DCDC2C: variants seen among roughly 807,000 people sequenced by gnomAD.
DCDC2C encodes doublecortin domain-containing protein 2C.
In DCDC2C, 44 loss-of-function variants were observed where a neutral mutation model predicts 45.0. The observed-to-expected ratio is 0.98, with a 90% CI of 0.77 to 1.26. DCDC2C has a LOEUF of 1.26. Ranked by LOEUF, DCDC2C falls within the 50% of genes most tolerant of loss-of-function variation. DCDC2C has a pLI of 0.00. For missense variants in DCDC2C, 447 were observed against 468.9 expected, an observed-to-expected ratio of 0.95 and a Z score of 0.43; for synonymous variants, 187 against 178.8, an observed-to-expected ratio of 1.05 and a Z score of -0.37.
At position 3,807,338 on chromosome 2, in the gene DCDC2C, C is replaced by T. The variant is rs192454602; in HGVS notation, c.1065+22238C>T. Among the ~76,000 whole-genome samples the T allele has an allele frequency of 3.5e-3, 538 of 152,182 alleles. 3 individuals carry two copies. Among genetic ancestry groups the T allele is most frequent in the East Asian group, 0.02 (102 of 5,176 alleles). On this transcript the variant is annotated intron_variant, in intron 10 of 10. Coordinates refer to ENST00000399143, the MANE Select transcript of DCDC2C (RefSeq NM_001287444.2). The stretch of plus-strand genomic sequence containing the variant: ...TTTTGGCAGCTGCAGCAGGGGTGGG[C>T]GAAGTGTGCCCAGGCAGGGGGCTGG...
Position 3,767,776 on chromosome 2 carries a change from C to A in DCDC2C, c.749C>A (p.Pro250His). 1 of 1,550,546 alleles carries A rather than the reference C, an allele frequency of 6.4e-7. No homozygotes were observed. ...KKKVDSKGKEPCKYDGIPPKT... is the reference protein window; with the variant it reads ...KKKVDSKGKEHCKYDGIPPKT... Reference sequence around the variant, plus strand: ...TAGGTGGACTCCAAAGGAAAAGAACCTTGTAAATATGATGGCATACCCCCT... The same window carrying A: ...TAGGTGGACTCCAAAGGAAAAGAACATTGTAAATATGATGGCATACCCCCT... The change falls in exon 7 of 11, where the codon CCT becomes CAT. Residue 250 changes from proline (P) to histidine (H), a missense_variant. By Grantham distance (77) the Pro-to-His change is moderately conservative (BLOSUM62 -2). Transcript: ENST00000399143.
In DCDC2C at chr2:3,818,928, G is replaced by T. The variant is rs1250833024; in HGVS notation, c.1066-28226G>T. Among the ~76,000 whole-genome samples the T allele has an allele frequency of 1.3e-5, 2 of 152,182 alleles. No homozygotes were observed. Among genetic ancestry groups the T allele is most frequent in the African/African-American group, 4.8e-5 (2 of 41,418 alleles). ...GATAACTAAAAAGGAGTGCATAAAA[G>T]AATATTGTTTACGTTGGCACCAGAG... On this transcript the variant is annotated intron_variant, in intron 10 of 10. Coordinates refer to ENST00000399143, the MANE Select transcript of DCDC2C (RefSeq NM_001287444.2). This position sits in a 1 kb window ranked among gnomAD's most constrained non-coding sequence, Gnocchi z 4.7.
intron 2 of DCDC2C, among the ~76,000 whole-genome samples, chr2:3,718,341 GCTGT>G (rs1239857212): frequency 6.6e-6 from 1 of 152,166 alleles, no homozygotes; most frequent in Non-Finnish European, 1.5e-5. Flanking sequence ...AAACCGTCTG[GCTGT>G]CTGATTCTAT....
At chr2:3,704,120 A>C in intron 1 of DCDC2C, 82 bp downstream of exon 1, 1 of 1,145,566 alleles carries the variant, frequency 8.7e-7, no homozygotes, top group Non-Finnish European at 1.1e-6. Flanking sequence ...CGTGCCCCCC[A>C]GGTGTCCTCC....
chr2:3,741,801 G>A, intron 3 of DCDC2C, 119 bp from the exon 4 acceptor site: 1 of 1,101,848 alleles, frequency 9.1e-7, no homozygotes, highest in Non-Finnish European at 1.3e-6. Flanking sequence ...TGAAGTATTG[G>A]AGGCTGCTTA....
At chr2:3,777,039 G>A (rs1456069151) in intron 8 of DCDC2C, among the ~76,000 whole-genome samples, 1 of 152,084 alleles carries the variant, frequency 6.6e-6, no homozygotes, top group African/African-American at 2.4e-5. Context: ...GTCCCACTTA[G>A]CATCCTCTTT....
In DCDC2C at chr2:3,764,112, C is replaced by T. The variant is rs568415810; in HGVS notation, c.727-3642C>T. Among the ~76,000 whole-genome samples the T allele has an allele frequency of 2.4e-4, 36 of 152,304 alleles. No individual in the cohort carries two copies. In the South Asian group the frequency reaches 7.5e-3, roughly 32 times the overall value. On this transcript the variant is annotated intron_variant, in intron 6 of 10. Coordinates refer to ENST00000399143, the MANE Select transcript of DCDC2C (RefSeq NM_001287444.2). ...CGACTTCATCATTTCTCATCGCTTA[C>T]CTCTATTATATGCAACTAGAAAGAT...
chr2:3,799,837 T>C (rs1369526258), intron 10 of DCDC2C, among the ~76,000 whole-genome samples: 3 of 152,270 alleles, frequency 2.0e-5, no homozygotes, highest in Non-Finnish European at 4.4e-5. Flanking sequence ...CTGTGCCCTG[T>C]CCCCAGAGGT....
At chr2:3,842,384 G>A (rs1017396494) in intron 10 of DCDC2C, among the ~76,000 whole-genome samples, 8 of 151,964 alleles carry the variant, frequency 5.3e-5, no homozygotes, top group South Asian at 2.1e-4. Flanking sequence ...AGAGGACTGC[G>A]AAAATGAATT....
rs200855817 is a variant in DCDC2C, at chr2:3,813,153, C to T, written c.1065+28053C>T. The stretch of plus-strand genomic sequence containing the variant: ...GTGGCATGATCTCAGCTCACTGCAA[C>T]CTCCACCTCTCGGGTTCAAGCGATT... On this transcript the variant is annotated intron_variant, in intron 10 of 10. Transcript: ENST00000399143. Among the ~76,000 whole-genome samples, 49 of 151,010 alleles carry T rather than the reference C, an allele frequency of 3.2e-4. 1 individual carries two copies. The East Asian group carries it at 4.9e-3, about 15-fold the overall frequency.
intron 9 of DCDC2C, among the ~76,000 whole-genome samples, chr2:3,781,237 C>T (rs573808679): frequency 5.3e-5 from 8 of 152,360 alleles, no homozygotes; most frequent in East Asian, 1.9e-4. Context: ...CAATAGGCCA[C>T]GGTGAGCTAA....
intron 8 of DCDC2C, among the ~76,000 whole-genome samples, chr2:3,774,726 C>T (rs758165190): frequency 1.5e-4 from 23 of 152,124 alleles, no homozygotes; most frequent in Non-Finnish European, 2.8e-4. Context: ...ATTCAGGCTC[C>T]GCTGAAATGT....
intron 10 of DCDC2C, chr2:3,844,071 A>G (rs1418155054): frequency 6.6e-6 from 1 of 152,200 alleles, no homozygotes; most frequent in African/African-American, 2.4e-5. Flanking sequence ...TGAAAACAAG[A>G]AAAAGAATCA....
chr2:3,826,660 C>G (rs1026172066), intron 10 of DCDC2C, among the ~76,000 whole-genome samples: 1 of 152,044 alleles, frequency 6.6e-6, no homozygotes, highest in Non-Finnish European at 1.5e-5. Context: ...TCGAAGGTCC[C>G]CTCTCTGTGG....
At chr2:3,803,451 A>G (rs886584800) in intron 10 of DCDC2C, among the ~76,000 whole-genome samples, 3 of 152,126 alleles carry the variant, frequency 2.0e-5, no homozygotes, top group Admixed American at 6.5e-5. Context: ...GGGTGGGTTT[A>G]CCCTGAAGAC....
chr2:3,771,143 C>G (rs1054387230), intron 8 of DCDC2C, among the ~76,000 whole-genome samples: 2 of 152,268 alleles, frequency 1.3e-5, no homozygotes, highest in Non-Finnish European at 2.9e-5. Context: ...CGTCCTCCCT[C>G]TGCATCCTCC....
intron 8 of DCDC2C, among the ~76,000 whole-genome samples, chr2:3,773,121 G>T (rs1670226846): frequency 6.6e-6 from 1 of 152,164 alleles, no homozygotes; most frequent in South Asian, 2.1e-4. Flanking sequence ...TAGCTTGTGG[G>T]AACTGCAATG....
intron 10 of DCDC2C, among the ~76,000 whole-genome samples, chr2:3,837,484 G>T (rs1423152900): frequency 2.0e-5 from 3 of 152,166 alleles, no homozygotes; most frequent in African/African-American, 7.2e-5. Flanking sequence ...CACACACTGG[G>T]GCAGTGGCTA....
rs375967627 is a variant in DCDC2C, at chr2:3,806,393, G to A, written c.1065+21293G>A. On this transcript the variant is annotated intron_variant, in intron 10 of 10. Coordinates refer to ENST00000399143, the MANE Select transcript of DCDC2C (RefSeq NM_001287444.2). ...GACAGGTGACTTCTGTTCTGCAGCA[G>A]AGAGGGAAACAGAGCGAAGCTCGCC... 1.2e-4 allele frequency among the ~76,000 whole-genome samples: 18 copies of A among 152,342 alleles called. No individual in the cohort carries two copies. In the East Asian group the frequency reaches 3.5e-3, roughly 29 times the overall value.
Sources: gnomAD v4.1 joint callset for allele counts (sites outside exome capture counted in the v4.1 genomes callset) on GRCh38, gnomAD v4.1.1 for gene constraint, Gnocchi (gnomAD v3.1) non-coding constraint, MANE v1.5 for transcripts, NCBI Gene and HGNC (gene_info 2026-07-23, HGNC 2026-07-21) for gene names.